ABCA13: variants seen among roughly 807,000 people sequenced by gnomAD.
The protein encoded by ABCA13 is ATP-binding cassette sub-family A member 13.
In ABCA13, 476 loss-of-function variants were observed where a neutral mutation model predicts 478.7. The observed-to-expected ratio is 0.99, with a 90% confidence interval of 0.92 to 1.07. The LOEUF is 1.07. Among genes scored for constraint, ABCA13 ranks in the 50% least tolerant of loss-of-function variants. ABCA13 has a pLI of 0.00. For missense variants in ABCA13, 6,060 were observed against 5,910.6 expected (o/e 1.03, Z -0.83); for synonymous variants, 2,252 against 2,158.9 (o/e 1.04, Z -1.20).
intron 42 of ABCA13, among the ~76,000 whole-genome samples, chr7:48,452,535 T>C (rs1825169366): frequency 6.6e-6 from 1 of 152,238 alleles, no homozygotes; most frequent in Non-Finnish European, 1.5e-5. Context: ...TTTAGTCATG[T>C]CAGTTTTGTA....
At chr7:48,616,987 T>G (rs969023052) in intron 59 of ABCA13, among the ~76,000 whole-genome samples, 2 of 152,120 alleles carry the variant, frequency 1.3e-5, no homozygotes, top group Admixed American at 1.3e-4. Context: ...TAAGCCATGA[T>G]TGTGCCACTA....
At chr7:48,358,201 A>AGGACAGGACAGGACAGGAC (rs1563114804) in intron 31 of ABCA13, among the ~76,000 whole-genome samples, 2 of 117,598 alleles carry the variant, frequency 1.7e-5, no homozygotes, top group African/African-American at 7.1e-5. Context: ...CAGGACAGGA[A>AGGACAGGACAGGACAGGAC]AGGAAAGGAA....
In ABCA13 at chr7:48,561,191, G is replaced by A. The variant is rs114243019; in HGVS notation, c.14355-19033G>A. On this transcript the variant is annotated intron_variant, in intron 55 of 61. Transcript: ENST00000435803. ...CCATAACTTAGCTATTGTGAATAGCGCTGCAATGAACATGGGACTACAGCT... is the reference window on the plus strand; with the variant it reads ...CCATAACTTAGCTATTGTGAATAGCACTGCAATGAACATGGGACTACAGCT... 6.4e-3 allele frequency among the ~76,000 whole-genome samples: 974 copies of A among 152,094 alleles called. 10 individuals carry two copies. Among genetic ancestry groups the A allele is most frequent in the African/African-American group, 0.022 (922 of 41,500 alleles).
At position 48,645,438 on chromosome 7, in the gene ABCA13, G is replaced by A. The variant is rs1275517267; in HGVS notation, c.15103G>A (p.Glu5035Lys). ...TCAGGTATTTATTAATTTTGCTTCT[G>A]AGCAGCAGCAAACTCTACAATCTAC... Reference protein sequence around the residue: ...LEQVFINFASEQQQTLQSTLD... With the variant: ...LEQVFINFASKQQQTLQSTLD... Residue 5035 changes from glutamate (E) to lysine (K), a missense_variant, in exon 62 of 62, where the codon GAG becomes AAG. By Grantham distance (56) the Glu-to-Lys change is moderately conservative. This residue lies in a region of ABCA13 where 1,627 missense variants were observed against 1,571.0 expected (regional missense o/e 1.04). Transcript: ENST00000435803. The A allele has an allele frequency of 4.4e-6, 7 of 1,577,698 alleles. No individual in the cohort carries two copies. Among genetic ancestry groups the A allele is most frequent in the Admixed American group, 3.7e-5 (2 of 54,770 alleles).
At chr7:48,209,284 A>G (rs567106338) in intron 3 of ABCA13, among the ~76,000 whole-genome samples, 24 of 152,076 alleles carry the variant, frequency 1.6e-4, no homozygotes, top group Non-Finnish European at 3.4e-4. Context: ...GAATTTTTGC[A>G]TCTATGTTCA....
intron 5 of ABCA13, among the ~76,000 whole-genome samples, chr7:48,224,650 A>T (rs966392952): frequency 6.6e-6 from 1 of 152,146 alleles, no homozygotes; most frequent in Admixed American, 6.5e-5. Flanking sequence ...TGTTGGATTT[A>T]AAAAAACCTC....
Position 48,645,488 on chromosome 7 carries a change from C to G in ABCA13, c.15153C>G (p.His5051Gln). The G allele has an allele frequency of 6.3e-7, 1 of 1,588,772 alleles. No individual in the cohort carries two copies. The highest frequency in any genetic ancestry group is 8.6e-7 in the Non-Finnish European group (1 of 1,166,414). Residue 5051 changes from histidine (H) to glutamine (Q), a missense_variant, in exon 62 of 62, where the codon CAC (histidine) becomes CAG (glutamine). Physicochemically the swap from His to Gln is conservative, Grantham distance 24 (BLOSUM62 0). This residue lies in a region of ABCA13 where 1,627 missense variants were observed against 1,571.0 expected (regional missense o/e 1.04). Coordinates refer to ENST00000435803, the MANE Select transcript of ABCA13 (RefSeq NM_152701.5). ...QSTLDPSTDS[H>Q]HTHHLPI is the part of the protein sequence containing the mutation. ...CTCTTGATCCATCCACTGACAGTCA[C>G]CACACACATCACTTGCCCATCTGAG...
intron 50 of ABCA13, among the ~76,000 whole-genome samples, chr7:48,510,435 A>T (rs1346425268): frequency 1.3e-5 from 2 of 152,146 alleles, no homozygotes; most frequent in Non-Finnish European, 2.9e-5. Flanking sequence ...GTGAGGCTGG[A>T]TAGGGAGGTA....
In ABCA13 at chr7:48,279,584, T is replaced by G; in HGVS notation, c.8390T>G (p.Leu2797Ter). 6.2e-7 allele frequency: 1 copy of G among 1,613,368 alleles called. No individual in the cohort carries two copies. Among genetic ancestry groups the G allele is most frequent in the Non-Finnish European group, 8.5e-7 (1 of 1,179,602 alleles). Residue 2797 changes from leucine to a stop codon, truncating the protein, a stop_gained, in exon 18 of 62, where the codon TTA (leucine) becomes TGA (stop). Coordinates refer to ENST00000435803, the MANE Select transcript of ABCA13 (RefSeq NM_152701.5). LOFTEE classifies it high-confidence loss of function. ...TATGAAGGTGATTTGAATAAAAGTT[T>G]ATATTTTGACACACCTTTGAGTCAG... ...SDYEGDLNKS[L>*]YFDTPLSQNI...
At chr7:48,203,737 T>G (rs977288725) in intron 3 of ABCA13, among the ~76,000 whole-genome samples, 1 of 152,224 alleles carries the variant, frequency 6.6e-6, no homozygotes, top group Non-Finnish European at 1.5e-5. Context: ...GAATGTGCTG[T>G]CTAAACCCGA....
At chr7:48,394,433 C>G (rs1249831181) in intron 38 of ABCA13, among the ~76,000 whole-genome samples, 1 of 152,194 alleles carries the variant, frequency 6.6e-6, no homozygotes, top group African/African-American at 2.4e-5. Flanking sequence ...CCTGGCTCTT[C>G]TCAGACACCA....
intron 4 of ABCA13, among the ~76,000 whole-genome samples, chr7:48,221,080 A>T (rs1485134251): frequency 6.6e-6 from 1 of 152,200 alleles, no homozygotes; most frequent in East Asian, 1.9e-4. Context: ...CCATGAATAT[A>T]CTTAGATTTG....
chr7:48,271,793 A>G lies in ABCA13; in HGVS notation c.2127A>G (p.Leu709=), dbSNP rs1435901710. ...AATTCTATTAATATTACAGGGCTTTAAATTTCACAAAGCACCTTCTAATGA... is the reference window on the plus strand; with the variant it reads ...AATTCTATTAATATTACAGGGCTTTGAATTTCACAAAGCACCTTCTAATGA... The part of the protein sequence containing the change: ...KSPTASISRA[L]NFTKHLLMME... The change falls in exon 17 of 62, where the codon TTA becomes TTG. Residue 709 remains leucine (L), a synonymous_variant. Transcript: ENST00000435803. 1 of 1,484,428 alleles carries G rather than the reference A, an allele frequency of 6.7e-7. No individual in the cohort carries two copies. Among genetic ancestry groups the G allele is most frequent in the Non-Finnish European group, 9.0e-7 (1 of 1,116,664 alleles). The allele number at this position is 1,484,428 out of a possible 1,614,324, so 92.0% of individuals were successfully genotyped here.
intron 58 of ABCA13, among the ~76,000 whole-genome samples, chr7:48,596,539 C>A (rs144205910): frequency 1.2e-3 from 184 of 152,224 alleles, no homozygotes; most frequent in African/African-American, 4.2e-3. Flanking sequence ...GGCTAGGTGC[C>A]GTGGCTCATG....
At chr7:48,175,576 A>G (rs1028491697) in intron 1 of ABCA13, among the ~76,000 whole-genome samples, 1 of 152,134 alleles carries the variant, frequency 6.6e-6, no homozygotes, top group Admixed American at 6.5e-5. Context: ...GAGTGCCACC[A>G]TGCCCAGCAA....
chr7:48,448,978 G>A (rs1341490634), intron 42 of ABCA13, among the ~76,000 whole-genome samples: 3 of 152,058 alleles, frequency 2.0e-5, no homozygotes, highest in African/African-American at 4.8e-5. Context: ...GAGTAGCTGG[G>A]ATTACAGGCA....
intron 59 of ABCA13, among the ~76,000 whole-genome samples, chr7:48,634,637 G>A (rs1031148232): frequency 9.2e-5 from 14 of 151,508 alleles, no homozygotes; most frequent in Non-Finnish European, 2.9e-5. Context: ...TTTTATCAAT[G>A]TCCACTCCAA....
At chr7:48,508,075 G>A (rs1237332214) in intron 50 of ABCA13, 26 bp downstream of exon 50, 1 of 1,613,642 alleles carries the variant, frequency 6.2e-7, no homozygotes, top group Admixed American at 1.7e-5. Flanking sequence ...GAGATTCTGT[G>A]TGCCTCCACA....
intron 14 of ABCA13, 70 bp downstream of exon 14, chr7:48,248,514 C>T: frequency 2.4e-6 from 3 of 1,243,452 alleles, no homozygotes; most frequent in Non-Finnish European, 3.3e-6. Context: ...GCCCCTTCTA[C>T]ACAAATGATA....
Sources: allele counts gnomAD v4.1 joint callset (sites outside exome capture counted in the v4.1 genomes callset), GRCh38; gene constraint gnomAD v4.1.1; regional missense constraint gnomAD v4.1.1; transcripts MANE v1.5; gene names NCBI Gene and HGNC (gene_info 2026-07-23, HGNC 2026-07-21).